The following ATAD2 variants were observed in gnomAD, a reference collection of about 807,000 sequenced individuals.
ATAD2 encodes the protein ATPase family AAA domain-containing protein 2.
A neutral mutation model predicts 168.9 loss-of-function variants in ATAD2; 62 were observed. The observed-to-expected ratio is 0.37, with a 90% CI of 0.30 to 0.45. ATAD2 has a LOEUF of 0.45. Among genes scored for constraint, ATAD2 ranks in the 20% least tolerant of loss-of-function variants. The probability of loss-of-function intolerance (pLI) is 1.00; values close to 1 mark genes in which losing one functional copy is unlikely to be tolerated. For synonymous variants in ATAD2, 613 were observed against 571.6 expected, an observed-to-expected ratio of 1.07 and a Z score of -1.03; for missense variants, 1,419 against 1,667.8, an observed-to-expected ratio of 0.85 and a Z score of 2.60.
intron 13 of ATAD2, chr8:123,352,707 G>A (rs1279704388): frequency 6.8e-6 from 1 of 146,674 alleles, no homozygotes; most frequent in Non-Finnish European, 1.5e-5. Context: ...CAAATAAGAT[G>A]TTTTCTTTTA....
At chr8:123,385,219 A>G (rs1217190989) in intron 1 of ATAD2, among the ~76,000 whole-genome samples, 1 of 152,218 alleles carries the variant, frequency 6.6e-6, no homozygotes, top group African/African-American at 2.4e-5. Flanking sequence ...TACATATAGT[A>G]GACATTTCAA....
upstream of ATAD2, among the ~76,000 whole-genome samples, chr8:123,400,417 A>G (rs939613037): frequency 2.7e-5 from 4 of 150,742 alleles, no homozygotes; most frequent in Non-Finnish European, 4.4e-5. This position sits in a 1 kb window ranked among gnomAD's most constrained non-coding sequence, Gnocchi z 4.5. Flanking sequence ...GGCCTGTAGT[A>G]CCAGCTACTT....
chr8:123,415,415 T>C (rs762859226), intron 1 of ATAD2, among the ~76,000 whole-genome samples: 19 of 152,168 alleles, frequency 1.2e-4, no homozygotes, highest in African/African-American at 4.6e-4. Context: ...ACTGAAGAGA[T>C]TGGAGAATCC....
At chr8:123,371,031 AT>A in intron 5 of ATAD2, 41 bp from the exon 6 acceptor site, 1 of 1,430,548 alleles carries the variant, frequency 7.0e-7, no homozygotes, top group Non-Finnish European at 9.5e-7. Flanking sequence ...TTTGGAATCT[AT>A]TTATTAAAAA....
chr8:123,378,008 T>G (rs927150014), intron 2 of ATAD2, among the ~76,000 whole-genome samples: 1 of 152,212 alleles, frequency 6.6e-6, no homozygotes, highest in Non-Finnish European at 1.5e-5. Context: ...AATTTTAAGT[T>G]CTCAGAGACA....
chr8:123,347,671 T>A (rs967135039), intron 15 of ATAD2, among the ~76,000 whole-genome samples: 1 of 152,046 alleles, frequency 6.6e-6, no homozygotes, highest in Non-Finnish European at 1.5e-5. Flanking sequence ...AGTTTTAAAA[T>A]CACACAGACT....
intron 13 of ATAD2, among the ~76,000 whole-genome samples, chr8:123,354,228 T>G (rs1473855310): frequency 2.0e-5 from 3 of 152,216 alleles, no homozygotes; most frequent in Non-Finnish European, 2.9e-5. Context: ...GACATTCACA[T>G]AATTACTTAT....
At chr8:123,373,790 A>C (rs1829225609) in intron 2 of ATAD2, among the ~76,000 whole-genome samples, 1 of 2,514 alleles carries the variant, frequency 4.0e-4, no homozygotes, top group Admixed American at 9.6e-3. Context: ...CCTCGCCTCA[A>C]AAAAAAAAAA....
At chr8:123,326,446 A>C (rs1827616263) in intron 25 of ATAD2, among the ~76,000 whole-genome samples, 1 of 152,032 alleles carries the variant, frequency 6.6e-6, no homozygotes, top group Non-Finnish European at 1.5e-5. Context: ...AAGGCAGGTG[A>C]ATCCCTTGAG....
intron 10 of ATAD2, 83 bp downstream of exon 10, chr8:123,359,494 A>C: frequency 7.3e-7 from 1 of 1,372,434 alleles, no homozygotes; most frequent in Non-Finnish European, 1.0e-6. Flanking sequence ...TAAAAAGAAA[A>C]ATCATTGGTT....
chr8:123,396,363 C>T lies in ATAD2; in HGVS notation c.-6G>A. 6.3e-7 allele frequency: 1 copy of T among 1,581,520 alleles called. No individual in the cohort carries two copies. The highest frequency in any genetic ancestry group is 1.7e-5 in the Admixed American group (1 of 58,494). ...CTGCTGCGGAGAACCACCATCTTCTCTCCCTACTGGCCTCGGCGTGCGCGA... is the reference window on the plus strand; with the variant it reads ...CTGCTGCGGAGAACCACCATCTTCTTTCCCTACTGGCCTCGGCGTGCGCGA... On this transcript the variant is annotated 5_prime_UTR_variant, in exon 1 of 28. Transcript: ENST00000287394.
intron 26 of ATAD2, among the ~76,000 whole-genome samples, chr8:123,324,103 T>G (rs1238200413): frequency 6.6e-6 from 1 of 152,228 alleles, no homozygotes; most frequent in Non-Finnish European, 1.5e-5. Context: ...GGTTTTCAGT[T>G]CCACATATAT....
At chr8:123,359,768 A>C in intron 9 of ATAD2, 83 bp from the exon 10 acceptor site, 1 of 924,688 alleles carries the variant, frequency 1.1e-6, no homozygotes. Flanking sequence ...ATAAACATTT[A>C]AGTTAAAAAA....
chr8:123,353,811 A>G (rs907630685), intron 13 of ATAD2, among the ~76,000 whole-genome samples: 3 of 152,064 alleles, frequency 2.0e-5, no homozygotes, highest in African/African-American at 7.2e-5. Flanking sequence ...CCAAGTTTCT[A>G]TTGATATTTG....
intron 1 of ATAD2, among the ~76,000 whole-genome samples, chr8:123,385,817 A>G (rs1563863011): frequency 6.6e-6 from 1 of 152,068 alleles, no homozygotes; most frequent in Non-Finnish European, 1.5e-5. Context: ...ATACATATAT[A>G]TATCTCCAGA....
intron 13 of ATAD2, among the ~76,000 whole-genome samples, chr8:123,355,949 G>A (rs912748003): frequency 2.0e-5 from 3 of 152,060 alleles, no homozygotes; most frequent in East Asian, 1.9e-4. Flanking sequence ...AGGGAGTTTC[G>A]CTCTGTCACC....
At chr8:123,365,742 ATC>A in intron 8 of ATAD2, among the ~76,000 whole-genome samples, 1 of 152,296 alleles carries the variant, frequency 6.6e-6, no homozygotes, top group African/African-American at 2.4e-5. Context: ...CTGGTTCCTC[ATC>A]TCTCACCTGA....
intron 2 of ATAD2, among the ~76,000 whole-genome samples, chr8:123,375,348 A>G (rs1347796548): frequency 6.6e-6 from 1 of 152,238 alleles, no homozygotes; most frequent in Non-Finnish European, 1.5e-5. Context: ...CACACCTGTT[A>G]AAATGGCGAA....
chr8:123,333,805 A>C, intron 24 of ATAD2, 73 bp downstream of exon 24: 1 of 1,437,322 alleles, frequency 7.0e-7, no homozygotes, highest in Non-Finnish European at 9.3e-7. Context: ...AAAGGAAAAT[A>C]AGGGAGAAAG....
Sources: allele counts gnomAD v4.1 joint callset (sites outside exome capture counted in the v4.1 genomes callset), GRCh38; gene constraint gnomAD v4.1.1; non-coding constraint Gnocchi (gnomAD v3.1); transcripts MANE v1.5; gene names NCBI Gene and HGNC (gene_info 2026-07-23, HGNC 2026-07-21).